Variants in AATF observed in about 807,000 individuals in gnomAD.
The protein encoded by AATF is apoptosis antagonizing transcription factor, also known as protein AATF.
A neutral mutation model predicts 63.7 loss-of-function variants in AATF; 48 were observed. The observed-to-expected ratio is 0.75, with a 90% CI of 0.60 to 0.96. The LOEUF is 0.96. Ranked by LOEUF, AATF falls within the 40% of genes least tolerant of loss-of-function variation. The pLI, the probability that AATF is intolerant of heterozygous loss-of-function variation, is 0.00. For missense variants in AATF, 639 were observed against 685.7 expected, an observed-to-expected ratio of 0.93 and a Z score of 0.76; for synonymous variants, 258 against 247.7, an observed-to-expected ratio of 1.04 and a Z score of -0.39.
intron 8 of AATF, among the ~76,000 whole-genome samples, chr17:37,009,427 G>A (rs1231553928): frequency 6.6e-6 from 1 of 151,314 alleles, no homozygotes; most frequent in African/African-American, 2.4e-5. Flanking sequence ...TTACAGGTGT[G>A]AACCACCGTG....
chr17:36,969,387 A>G (rs1362768782), intron 4 of AATF, among the ~76,000 whole-genome samples: 4 of 152,224 alleles, frequency 2.6e-5, no homozygotes, highest in African/African-American at 4.8e-5. Context: ...CTCCCTGTCC[A>G]GAGACCCTCT....
intron 11 of AATF, among the ~76,000 whole-genome samples, chr17:37,051,705 C>G (rs932954492): frequency 8.8e-5 from 13 of 148,418 alleles, no homozygotes; most frequent in Non-Finnish European, 9.1e-5. Context: ...CAGACACACA[C>G]ACACACACAC....
intron 7 of AATF, among the ~76,000 whole-genome samples, chr17:36,989,740 C>T (rs2071198786): frequency 6.6e-6 from 1 of 152,108 alleles, no homozygotes; most frequent in Non-Finnish European, 1.5e-5. Context: ...CAAGTGTGTA[C>T]TTTAGGCTCA....
At chr17:36,990,679 C>G in intron 7 of AATF, 95 bp from the exon 8 acceptor site, 1 of 778,734 alleles carries the variant, frequency 1.3e-6, no homozygotes, top group Non-Finnish European at 2.1e-6. Flanking sequence ...TTAAGGAAAA[C>G]AGTGCTTTGA....
chr17:36,961,642 T>C (rs962344318), intron 4 of AATF, among the ~76,000 whole-genome samples: 2 of 152,184 alleles, frequency 1.3e-5, no homozygotes, highest in African/African-American at 2.4e-5. Context: ...TCCCTGGAAA[T>C]GTAGTTGCTG....
chr17:36,979,119 C>T (rs1222039766), intron 4 of AATF, among the ~76,000 whole-genome samples: 4 of 152,076 alleles, frequency 2.6e-5, no homozygotes, highest in East Asian at 1.9e-4. Context: ...GCCTGAAATA[C>T]GACTGACTGG....
In AATF at chr17:37,016,830, TTTG is replaced by T. The variant is rs565925971; in HGVS notation, c.1399-2165_1399-2163del. ...GGGAATCATTTGTTTAACTGTATTT[TTTG>T]TTGTTGTTGCTTTCTTTTTCTTACC... On this transcript the variant is annotated intron_variant, in intron 8 of 11. Transcript: ENST00000619387. Among the ~76,000 whole-genome samples, 225 of 152,330 alleles carry T rather than the reference TTTG, an allele frequency of 1.5e-3. 1 individual carries two copies. Among genetic ancestry groups the T allele is most frequent in the African/African-American group, 5.3e-3 (222 of 41,570 alleles).
intron 11 of AATF, chr17:37,045,860 G>C (rs1032076682): frequency 6.6e-6 from 1 of 152,238 alleles, no homozygotes; most frequent in Non-Finnish European, 1.5e-5. Context: ...CCTGTTGCAG[G>C]CCTGCTCAGT....
At position 36,986,743 on chromosome 17, in the gene AATF, G is replaced by A; in HGVS notation, c.947+12G>A. The A allele has an allele frequency of 6.3e-7, 1 of 1,592,536 alleles. No homozygotes were observed. The highest frequency in any genetic ancestry group is 8.6e-7 in the Non-Finnish European group (1 of 1,161,340). ...CCCAATGCGGGAAGGTAAGAGAACA[G>A]AATCATGGAGTTGCTTATTTTCTTT... On this transcript the variant is annotated intron_variant, in intron 5 of 11. Transcript: ENST00000619387.
chr17:36,957,571 G>C (rs577771090), intron 4 of AATF, among the ~76,000 whole-genome samples: 1 of 152,188 alleles, frequency 6.6e-6, no homozygotes. Flanking sequence ...TGGAAAGATG[G>C]CTACAGATTT....
At chr17:37,052,502 G>A (rs1356832222) in intron 11 of AATF, 1 of 152,234 alleles carries the variant, frequency 6.6e-6, no homozygotes, top group Non-Finnish European at 1.5e-5. Context: ...TAAGCACCTA[G>A]ACACCTGCCT....
chr17:37,037,325 T>TCTTTAAGAGGCAAAGGATCA (rs1848310426), intron 11 of AATF, among the ~76,000 whole-genome samples: 1 of 152,160 alleles, frequency 6.6e-6, no homozygotes. Flanking sequence ...GACAGCGTCA[T>TCTTTAAGAGGCAAAGGATCA]CTTTAAGAGG....
intron 11 of AATF, among the ~76,000 whole-genome samples, chr17:37,047,852 G>A (rs913872662): frequency 1.3e-4 from 20 of 152,304 alleles, no homozygotes; most frequent in African/African-American, 4.6e-4. Context: ...AGATTCGGGC[G>A]GCTGCGGTTT....
intron 11 of AATF, among the ~76,000 whole-genome samples, chr17:37,035,573 C>G (rs1376942208): frequency 2.1e-5 from 3 of 144,546 alleles, no homozygotes; most frequent in Non-Finnish European, 4.5e-5. Context: ...GAGTCTTGCT[C>G]TGTTGCCCAG....
At chr17:36,964,375 C>T (rs192964276) in intron 4 of AATF, among the ~76,000 whole-genome samples, 4 of 151,796 alleles carry the variant, frequency 2.6e-5, no homozygotes, top group East Asian at 1.9e-4. Context: ...CTCATGGTGG[C>T]GGGTGCCTGT....
At chr17:37,037,266 C>T (rs1321516759) in intron 11 of AATF, among the ~76,000 whole-genome samples, 3 of 152,032 alleles carry the variant, frequency 2.0e-5, no homozygotes, top group Non-Finnish European at 4.4e-5. Context: ...CCACCTGCTT[C>T]GGCCTCCCAA....
At chr17:37,055,493 C>T (rs577688054) in intron 11 of AATF, 1 of 152,130 alleles carries the variant, frequency 6.6e-6, no homozygotes, top group African/African-American at 2.4e-5. Context: ...TTTGGTTTTG[C>T]TTTTAAAGTC....
At chr17:37,046,487 C>T (rs572013360) in intron 11 of AATF, among the ~76,000 whole-genome samples, 9 of 152,234 alleles carry the variant, frequency 5.9e-5, no homozygotes, top group African/African-American at 1.7e-4. Context: ...CAGGCCCCAG[C>T]GGTTCCTCTG....
chr17:36,961,508 A>G (rs2070946840), intron 4 of AATF, among the ~76,000 whole-genome samples: 1 of 152,168 alleles, frequency 6.6e-6, no homozygotes, highest in Non-Finnish European at 1.5e-5. Context: ...TTTCATGTTA[A>G]GTCTTTGAAA....
Sources: allele counts gnomAD v4.1 joint callset (sites outside exome capture counted in the v4.1 genomes callset), GRCh38; gene constraint gnomAD v4.1.1; transcripts MANE v1.5; gene names NCBI Gene and HGNC (gene_info 2026-07-23, HGNC 2026-07-21).